UBAP2: variants seen among roughly 807,000 people sequenced by gnomAD.
The protein encoded by UBAP2 is ubiquitin associated protein 2.
Under a neutral mutation model 139.6 loss-of-function variants are expected in UBAP2, and 75 were observed. The observed-to-expected ratio is 0.54, with a 90% CI of 0.45 to 0.65. UBAP2 has a LOEUF of 0.65. Ranked by LOEUF, UBAP2 falls within the 30% of genes least tolerant of loss-of-function variation. The pLI, the probability that UBAP2 is intolerant of heterozygous loss-of-function variation, is 0.00. For synonymous variants in UBAP2, 526 were observed against 526.2 expected (o/e 1.00, Z 0.01); for missense variants, 1,368 against 1,369.6 (o/e 1.00, Z 0.02).
In UBAP2 at chr9:33,973,239, T is replaced by A; in HGVS notation, c.521-2A>T. 1 of 1,613,830 alleles carries A rather than the reference T, an allele frequency of 6.2e-7. No homozygotes were observed. Among genetic ancestry groups the A allele is most frequent in the Non-Finnish European group, 8.5e-7 (1 of 1,179,854 alleles). ...CTCTCCCTCTGCCACGTCCAAATCCTTTAAAAAAACACACAATTATAGTAT... is the reference window on the plus strand; with the variant it reads ...CTCTCCCTCTGCCACGTCCAAATCCATTAAAAAAACACACAATTATAGTAT... On this transcript the variant is annotated splice_acceptor_variant, in intron 6 of 28. Coordinates refer to ENST00000379238, the MANE Select transcript of UBAP2 (RefSeq NM_001370062.2). LOFTEE classifies it high-confidence loss of function.
At position 33,942,266 on chromosome 9, in the gene UBAP2, C is replaced by T. The variant is rs1042069435; in HGVS notation, c.1716-404G>A. ...GGCAGAGGTTGCAGTGAACCAAGATCGCGCCACTGCACTCCAGCCTGGCGA... is the reference window on the plus strand; with the variant it reads ...GGCAGAGGTTGCAGTGAACCAAGATTGCGCCACTGCACTCCAGCCTGGCGA... On this transcript the variant is annotated intron_variant, in intron 15 of 28. Coordinates refer to ENST00000379238, the MANE Select transcript of UBAP2 (RefSeq NM_001370062.2). Among the ~76,000 whole-genome samples, 5 of 151,910 alleles carry T rather than the reference C, an allele frequency of 3.3e-5. No individual in the cohort carries two copies. The East Asian group carries it at 7.8e-4, about 24-fold the overall frequency.
chr9:33,974,579 T>C (rs1828153866), intron 6 of UBAP2, among the ~76,000 whole-genome samples: 1 of 152,052 alleles, frequency 6.6e-6, no homozygotes, highest in Non-Finnish European at 1.5e-5. Context: ...AAAATATTTA[T>C]AAATTATATA....
intron 22 of UBAP2, 130 bp downstream of exon 22, chr9:33,926,487 G>T: frequency 1.0e-6 from 1 of 986,518 alleles, no homozygotes; most frequent in Non-Finnish European, 1.6e-6. Flanking sequence ...AGCTTTCTCA[G>T]TAGTGGTGCT....
At chr9:33,970,174 A>T (rs753330603) in intron 8 of UBAP2, among the ~76,000 whole-genome samples, 1 of 151,230 alleles carries the variant, frequency 6.6e-6, no homozygotes, top group Non-Finnish European at 1.5e-5. Flanking sequence ...GCTCAAGCTG[A>T]GTTATCTTAT....
intron 8 of UBAP2, among the ~76,000 whole-genome samples, chr9:33,967,905 A>T (rs1176262562): frequency 6.6e-6 from 1 of 152,230 alleles, no homozygotes; most frequent in African/African-American, 2.4e-5. Flanking sequence ...TTTGATACCA[A>T]GAAGAAATTT....
chr9:34,000,990 C>T (rs1213755959), intron 2 of UBAP2, among the ~76,000 whole-genome samples: 3 of 152,190 alleles, frequency 2.0e-5, no homozygotes. Context: ...CTTACATATA[C>T]TCTCACTATC....
At chr9:34,016,708 A>G (rs576178854) in intron 2 of UBAP2, among the ~76,000 whole-genome samples, 1 of 151,408 alleles carries the variant, frequency 6.6e-6, no homozygotes, top group Admixed American at 6.6e-5. Flanking sequence ...GGCGCACACC[A>G]CCACGCCCAG....
intron 7 of UBAP2, among the ~76,000 whole-genome samples, chr9:33,972,175 G>A (rs1473661821): frequency 1.3e-5 from 2 of 152,134 alleles, no homozygotes; most frequent in African/African-American, 4.8e-5. Flanking sequence ...CTCCTTTACA[G>A]AAACATTAGA....
chr9:33,970,539 C>T (rs1358403414), intron 8 of UBAP2, among the ~76,000 whole-genome samples: 1 of 151,484 alleles, frequency 6.6e-6, no homozygotes, highest in African/African-American at 2.4e-5. Flanking sequence ...AAGTGACACT[C>T]CCCACTTCAG....
At chr9:34,042,628 AAAC>A (rs1198638184) in intron 1 of UBAP2, among the ~76,000 whole-genome samples, 3 of 151,878 alleles carry the variant, frequency 2.0e-5, no homozygotes, top group African/African-American at 7.3e-5. Flanking sequence ...CTCTATTTTA[AAAC>A]AACAACACAA....
chr9:33,927,512 C>A (rs1053748292), intron 20 of UBAP2, among the ~76,000 whole-genome samples: 1 of 152,178 alleles, frequency 6.6e-6, no homozygotes, highest in African/African-American at 2.4e-5. Context: ...TCGTGGAGCC[C>A]ACCATAAGTC....
chr9:34,020,030 G>C (rs189074451), intron 1 of UBAP2, among the ~76,000 whole-genome samples: 1 of 151,164 alleles, frequency 6.6e-6, no homozygotes, highest in Non-Finnish European at 1.5e-5. Context: ...CATGGTGGCA[G>C]ACGCCTGTAA....
In UBAP2 at chr9:33,989,127, C is replaced by T; in HGVS notation, c.289-1G>A. The T allele has an allele frequency of 6.2e-7, 1 of 1,603,650 alleles. No homozygotes were observed. On this transcript the variant is annotated splice_acceptor_variant, in intron 4 of 28. Transcript: ENST00000379238. LOFTEE classifies it high-confidence loss of function. ...TACACCCTACAGTCTCCCATGAAGTCTATCAGAGAGAACGGCTGTTAATCA... is the reference window on the plus strand; with the variant it reads ...TACACCCTACAGTCTCCCATGAAGTTTATCAGAGAGAACGGCTGTTAATCA...
chr9:33,943,365 A>G, intron 15 of UBAP2, 55 bp downstream of exon 15: 1 of 1,550,910 alleles, frequency 6.4e-7, no homozygotes, highest in Non-Finnish European at 8.8e-7. Flanking sequence ...CTTTTCCACC[A>G]GTTGATCTCT....
At chr9:34,047,271 C>G (rs549817040) in intron 1 of UBAP2, among the ~76,000 whole-genome samples, 2 of 152,102 alleles carry the variant, frequency 1.3e-5, no homozygotes, top group East Asian at 1.9e-4. Context: ...ATGCTGGCAG[C>G]AAGCAAAAGG....
At position 33,996,290 on chromosome 9, in the gene UBAP2, G is replaced by GCCA. The variant is rs1822192294; in HGVS notation, c.218_220dup (p.Val73dup). The GCCA allele has an allele frequency of 6.2e-7, 1 of 1,613,456 alleles. No homozygotes were observed. The highest frequency in any genetic ancestry group is 1.3e-5 in the African/African-American group (1 of 74,886). On this transcript the variant is annotated inframe_insertion, in exon 4 of 29. Coordinates refer to ENST00000379238, the MANE Select transcript of UBAP2 (RefSeq NM_001370062.2). ...CACATCTCCATTACAATCATGTAGG[G>GCCA]CCACTATGCATTCATCCTGATTTTT...
chr9:33,933,482 C>T lies in UBAP2; in HGVS notation c.2108+8G>A, dbSNP rs745457988. On this transcript the variant is annotated splice_region_variant and intron_variant, in intron 18 of 28. Transcript: ENST00000379238. The stretch of plus-strand genomic sequence containing the variant: ...ACTTCTCACTTTGGGCCCACACCTT[C>T]CCCATACCTGCTAAGCTGAGAGAGA... The T allele has an allele frequency of 6.2e-7, 1 of 1,613,446 alleles. No homozygotes were observed. Among genetic ancestry groups the T allele is most frequent in the Non-Finnish European group, 8.5e-7 (1 of 1,179,824 alleles).
Position 33,933,602 on chromosome 9 carries a change from C to A in UBAP2, c.1996G>T (p.Ala666Ser). 1.2e-6 allele frequency: 2 copies of A among 1,613,884 alleles called. No individual in the cohort carries two copies. Among genetic ancestry groups the A allele is most frequent in the Non-Finnish European group, 1.7e-6 (2 of 1,179,996 alleles). Reference sequence around the variant, plus strand: ...GGCAGGGAGCTCACAGACGGGAGGGCAGAGGGAGGGCCTGTTGTCTTTGGA... The same window carrying A: ...GGCAGGGAGCTCACAGACGGGAGGGAAGAGGGAGGGCCTGTTGTCTTTGGA... The part of the protein sequence containing the change: ...DTPKTTGPPS[A>S]LPSVSSLPST... Residue 666 changes from alanine (A) to serine (S), a missense_variant, in exon 18 of 29, where the codon GCC (alanine) becomes TCC (serine). Ala to Ser is a moderately conservative substitution (Grantham distance 99). Transcript: ENST00000379238.
chr9:33,977,275 G>T (rs1044306920), intron 6 of UBAP2, among the ~76,000 whole-genome samples: 1 of 151,874 alleles, frequency 6.6e-6, no homozygotes, highest in Non-Finnish European at 1.5e-5. Context: ...CTGACCTCGT[G>T]ATCCGCCCGC....
Sources: allele counts gnomAD v4.1 joint callset (sites outside exome capture counted in the v4.1 genomes callset), GRCh38; gene constraint gnomAD v4.1.1; transcripts MANE v1.5; gene names NCBI Gene and HGNC (gene_info 2026-07-23, HGNC 2026-07-21).